The following STPG2 variants were observed in gnomAD, a reference collection of about 807,000 sequenced individuals.
STPG2 encodes the protein sperm-tail PG-rich repeat-containing protein 2.
Under a neutral mutation model 54.2 loss-of-function variants are expected in STPG2, and 56 were observed. That is an observed-to-expected ratio of 1.03 (90% CI 0.83 to 1.29). The LOEUF is 1.29. Ranked by LOEUF, STPG2 falls within the 50% of genes most tolerant of loss-of-function variation. The pLI is 0.00. For synonymous variants in STPG2, 200 were observed against 181.8 expected (o/e 1.10, Z -0.81); for missense variants, 596 against 544.9 (o/e 1.09, Z -0.93).
chr4:97,836,211 A>G (rs1012343356), intron 9 of STPG2, among the ~76,000 whole-genome samples: 1 of 151,992 alleles, frequency 6.6e-6, no homozygotes, highest in Non-Finnish European at 1.5e-5. Flanking sequence ...AGGGTCAATC[A>G]ATGTGGTTAA....
intron 10 of STPG2, among the ~76,000 whole-genome samples, chr4:97,669,797 C>A: frequency 4.0e-5 from 1 of 24,754 alleles, no homozygotes; most frequent in Non-Finnish European, 7.1e-5. Context: ...AGCGAGACTC[C>A]GTCTCAAAAA....
intron 4 of STPG2, among the ~76,000 whole-genome samples, chr4:97,444,172 C>T (rs561906695): frequency 6.6e-6 from 1 of 152,066 alleles, no homozygotes; most frequent in East Asian, 1.9e-4. Flanking sequence ...ACATGAGACA[C>T]AATTTAATAT....
intron 9 of STPG2, among the ~76,000 whole-genome samples, chr4:97,747,603 G>A (rs1451490879): frequency 6.6e-6 from 1 of 151,118 alleles, no homozygotes; most frequent in Admixed American, 6.6e-5. Context: ...ATTGGGATCA[G>A]TTTCATATTT....
At chr4:97,450,160 T>C (rs533403417) in intron 4 of STPG2, among the ~76,000 whole-genome samples, 2 of 151,924 alleles carry the variant, frequency 1.3e-5, no homozygotes, top group Admixed American at 6.6e-5. Context: ...CTTAGAAAAA[T>C]AATAAAAAAT....
At chr4:97,534,928 C>G (rs1731495274) in intron 4 of STPG2, among the ~76,000 whole-genome samples, 1 of 152,136 alleles carries the variant, frequency 6.6e-6, no homozygotes, top group African/African-American at 2.4e-5. Context: ...GGAAATCCAT[C>G]CATGATGTTG....
At chr4:97,602,648 T>C (rs1396224943) in intron 10 of STPG2, among the ~76,000 whole-genome samples, 1 of 151,818 alleles carries the variant, frequency 6.6e-6, no homozygotes, top group Non-Finnish European at 1.5e-5. Context: ...TTGAGTTTTA[T>C]GGGACACTTT....
intron 9 of STPG2, among the ~76,000 whole-genome samples, chr4:97,777,636 C>G (rs1578554516): frequency 6.6e-6 from 1 of 152,170 alleles, no homozygotes; most frequent in Non-Finnish European, 1.5e-5. Flanking sequence ...AAAGCTACTC[C>G]TTGGTTGGTT....
chr4:97,584,566 T>C lies in STPG2; in HGVS notation c.1321-25449A>G, dbSNP rs116223086. Among the ~76,000 whole-genome samples, 503 of 151,500 alleles carry C rather than the reference T, an allele frequency of 3.3e-3. 3 individuals carry two copies. The highest frequency in any genetic ancestry group is 0.011 in the African/African-American group (475 of 41,338). On this transcript the variant is annotated intron_variant, in intron 10 of 10. Coordinates refer to ENST00000295268, the MANE Select transcript of STPG2 (RefSeq NM_174952.3). ...ACTAAATGAAATTGAAGCAAAATAA[T>C]ACAAAAGATAAATGAAACAAAAAGC...
intron 7 of STPG2, among the ~76,000 whole-genome samples, chr4:97,947,647 G>T (rs1212872205): frequency 1.3e-5 from 2 of 152,050 alleles, no homozygotes; most frequent in Non-Finnish European, 2.9e-5. Context: ...ATGCTTTTCT[G>T]CAGCTATTGA....
At chr4:97,797,968 T>C (rs1006692734) in intron 9 of STPG2, among the ~76,000 whole-genome samples, 2 of 152,234 alleles carry the variant, frequency 1.3e-5, no homozygotes, top group Non-Finnish European at 2.9e-5. Context: ...TTCTAGTTTA[T>C]TTGCATAGAG....
intron 4 of STPG2, among the ~76,000 whole-genome samples, chr4:97,486,917 T>TA (rs1730380311): frequency 7.1e-6 from 1 of 141,576 alleles, no homozygotes; most frequent in African/African-American, 2.6e-5. Context: ...TACTCAGCCA[T>TA]AAAAAAGAAT....
At chr4:97,665,961 G>A (rs1422415362) in intron 10 of STPG2, among the ~76,000 whole-genome samples, 1 of 152,146 alleles carries the variant, frequency 6.6e-6, no homozygotes, top group African/African-American at 2.4e-5. Context: ...CCAAGCAGCA[G>A]AAGCAGGCAC....
intron 10 of STPG2, among the ~76,000 whole-genome samples, chr4:97,663,510 G>A (rs1171513580): frequency 2.0e-5 from 3 of 151,956 alleles, no homozygotes; most frequent in African/African-American, 7.2e-5. Context: ...AATTTTTCTT[G>A]CTTATAAGGG....
intron 8 of STPG2, among the ~76,000 whole-genome samples, chr4:97,896,955 T>C (rs1388221919): frequency 1.3e-5 from 2 of 151,988 alleles, no homozygotes; most frequent in East Asian, 1.9e-4. Context: ...GATTGTTATA[T>C]AGGTAAAGCT....
intron 8 of STPG2, among the ~76,000 whole-genome samples, chr4:97,942,133 A>G (rs1014444069): frequency 1.0e-4 from 15 of 150,398 alleles, no homozygotes; most frequent in African/African-American, 3.7e-4. Context: ...AAATATATAT[A>G]TGTGTGTATA....
Position 97,836,688 on chromosome 4 carries a change from TAA to T in STPG2, c.1204+4083_1204+4084del, listed in dbSNP as rs1211181266. 2.0e-5 allele frequency among the ~76,000 whole-genome samples: 3 copies of T among 151,818 alleles called. No individual in the cohort carries two copies. The East Asian group carries it at 5.8e-4, about 29-fold the overall frequency. On this transcript the variant is annotated intron_variant, in intron 9 of 10. Transcript: ENST00000295268. ...ACCTCTTGTTTGTCCCCATGGAATT[TAA>T]AAATGCTTGATTTTCCTTCTTCCTC... is the stretch of plus-strand genomic sequence containing the variant.
intron 8 of STPG2, among the ~76,000 whole-genome samples, chr4:97,911,852 T>C (rs1460751391): frequency 1.3e-5 from 2 of 151,806 alleles, no homozygotes; most frequent in African/African-American, 4.8e-5. Flanking sequence ...GACTGCTTCT[T>C]TAAGCAGGTC....
chr4:97,787,116 G>T (rs1726851272), intron 9 of STPG2, among the ~76,000 whole-genome samples: 1 of 151,978 alleles, frequency 6.6e-6, no homozygotes, highest in African/African-American at 2.4e-5. Flanking sequence ...CTTCTTTTTA[G>T]ATCTCTTGAG....
intron 9 of STPG2, among the ~76,000 whole-genome samples, chr4:97,764,942 T>C (rs1725994118): frequency 6.6e-6 from 1 of 152,128 alleles, no homozygotes; most frequent in Non-Finnish European, 1.5e-5. Flanking sequence ...AGAATGACTA[T>C]GCAGGGCCCC....
Sources: allele counts gnomAD v4.1 joint callset (sites outside exome capture counted in the v4.1 genomes callset), GRCh38; gene constraint gnomAD v4.1.1; transcripts MANE v1.5; gene names NCBI Gene and HGNC (gene_info 2026-07-23, HGNC 2026-07-21).